MYOCOS: variants seen among roughly 807,000 people sequenced by gnomAD.
MYOCOS encodes the protein myocilin opposite strand.
chr1:171,609,332 C>T (rs1652312467), intron 1 of MYOCOS, among the ~76,000 whole-genome samples: 1 of 152,220 alleles, frequency 6.6e-6, no homozygotes, highest in African/African-American at 2.4e-5. Flanking sequence ...AGTCAAGTAT[C>T]CCTGCTGTAT....
At chr1:171,620,100 A>AATAT (rs145267992), upstream of MYOCOS, among the ~76,000 whole-genome samples, 2 of 146,128 alleles carry the variant, frequency 1.4e-5, no homozygotes, top group Admixed American at 6.9e-5. Flanking sequence ...CTATATATAA[A>AATAT]ATATATATAT....
upstream of MYOCOS, among the ~76,000 whole-genome samples, chr1:171,618,757 G>T (rs756489824): frequency 6.6e-6 from 1 of 152,150 alleles, no homozygotes; most frequent in Admixed American, 6.5e-5. Context: ...TGTATTTTTA[G>T]TAGAGACGGG....
intron 1 of MYOCOS, among the ~76,000 whole-genome samples, chr1:171,613,765 C>T (rs1652397812): frequency 6.6e-6 from 1 of 152,122 alleles, no homozygotes; most frequent in Admixed American, 6.6e-5. Flanking sequence ...CCCGGTTGGT[C>T]TTGAACTCCT....
intron 1 of MYOCOS, among the ~76,000 whole-genome samples, chr1:171,602,800 A>G (rs746737992): frequency 7.2e-5 from 11 of 152,240 alleles, no homozygotes; most frequent in Non-Finnish European, 1.5e-4. Flanking sequence ...AAACTAATAA[A>G]AAATAGATGC....
exon 1 of MYOCOS, chr1:171,600,921 A>G (rs372666521): frequency 6.6e-6 from 1 of 152,216 alleles, no homozygotes; most frequent in South Asian, 2.1e-4. Context: ...TGGTCATGCT[A>G]CATTTCTTGG....
chr1:171,604,149 C>A (rs1173179225), intron 1 of MYOCOS: 1 of 152,068 alleles, frequency 6.6e-6, no homozygotes, highest in Non-Finnish European at 1.5e-5. Context: ...AGACTAGGAG[C>A]TGTACGTGGA....
upstream of MYOCOS, among the ~76,000 whole-genome samples, chr1:171,620,773 CTTTTTTTT>C (rs34455235): frequency 1.6e-5 from 2 of 127,212 alleles, no homozygotes; most frequent in Non-Finnish European, 3.2e-5. Context: ...CTTTTTCTTT[CTTTTTTTT>C]TTTTTTTTTG....
At chr1:171,617,744 A>C (rs1000947686), upstream of MYOCOS, among the ~76,000 whole-genome samples, 2 of 152,204 alleles carry the variant, frequency 1.3e-5, no homozygotes, top group African/African-American at 4.8e-5. Flanking sequence ...AGAAGGTTTT[A>C]AGATGGGAGA....
chr1:171,622,904 C>T (rs1178368534), intron 1 of MYOCOS, among the ~76,000 whole-genome samples: 1 of 152,092 alleles, frequency 6.6e-6, no homozygotes, highest in Non-Finnish European at 1.5e-5. Context: ...ATAATACTTA[C>T]CATGTGGGTT....
At chr1:171,608,742 C>T (rs1259725933) in intron 1 of MYOCOS, among the ~76,000 whole-genome samples, 1 of 152,096 alleles carries the variant, frequency 6.6e-6, no homozygotes, top group Non-Finnish European at 1.5e-5. Context: ...CTTTTATACC[C>T]TCACATTGTC....
At chr1:171,608,190 G>A (rs895012520) in intron 1 of MYOCOS, among the ~76,000 whole-genome samples, 5 of 152,158 alleles carry the variant, frequency 3.3e-5, no homozygotes, top group African/African-American at 1.2e-4. Context: ...AACCATATCA[G>A]TCAGGGCTTA....
chr1:171,606,368 CCTT>C (rs1652243467), intron 1 of MYOCOS, among the ~76,000 whole-genome samples: 3 of 152,082 alleles, frequency 2.0e-5, no homozygotes, highest in Non-Finnish European at 1.5e-5. Flanking sequence ...AAGAGAGAAA[CCTT>C]CTCATATTGT....
At chr1:171,624,876 G>A (rs1652663051) in intron 2 of MYOCOS, among the ~76,000 whole-genome samples, 1 of 152,128 alleles carries the variant, frequency 6.6e-6, no homozygotes, top group African/African-American at 2.4e-5. Context: ...GAGCCACTGT[G>A]CCTGGCCCAA....
intron 1 of MYOCOS, among the ~76,000 whole-genome samples, chr1:171,612,723 G>C (rs1328920564): frequency 6.6e-6 from 1 of 152,032 alleles, no homozygotes; most frequent in Non-Finnish European, 1.5e-5. Flanking sequence ...CCAGCTACTT[G>C]GGAGGCTGAG....
chr1:171,603,925 C>A (rs1652191800), intron 1 of MYOCOS, among the ~76,000 whole-genome samples: 1 of 150,866 alleles, frequency 6.6e-6, no homozygotes, highest in East Asian at 1.9e-4. Context: ...TTAATAAATA[C>A]CAAAGGACAC....
At chr1:171,615,277 G>A (rs1023471889) in intron 2 of MYOCOS, among the ~76,000 whole-genome samples, 1 of 152,204 alleles carries the variant, frequency 6.6e-6, no homozygotes. Flanking sequence ...GACCAGGATG[G>A]TAACAGTGGA....
At chr1:171,615,541 C>G (rs1012999049) in intron 2 of MYOCOS, among the ~76,000 whole-genome samples, 3 of 152,206 alleles carry the variant, frequency 2.0e-5, no homozygotes, top group African/African-American at 7.2e-5. Flanking sequence ...AGGCCTGAAA[C>G]CAGGCCTGGG....
At chr1:171,613,810 G>A (rs631259) in intron 1 of MYOCOS, among the ~76,000 whole-genome samples, 3 of 151,978 alleles carry the variant, frequency 2.0e-5, no homozygotes, top group African/African-American at 7.3e-5. Context: ...GCTAGGATTA[G>A]AGGTGTGAGC....
At chr1:171,613,888 TC>T (rs1465572804) in intron 1 of MYOCOS, among the ~76,000 whole-genome samples, 2 of 152,158 alleles carry the variant, frequency 1.3e-5, no homozygotes, top group African/African-American at 4.8e-5. Flanking sequence ...AATGAAAGCC[TC>T]TTTATATGCT....
Sources: gnomAD v4.1 joint callset for allele counts (sites outside exome capture counted in the v4.1 genomes callset) on GRCh38, gnomAD v4.1.1 for gene constraint, MANE v1.5 for transcripts, NCBI Gene and HGNC (gene_info 2026-07-23, HGNC 2026-07-21) for gene names.